Variants in MRM2 observed in about 807,000 individuals in gnomAD.
MRM2 encodes the protein rRNA methyltransferase 2, mitochondrial.
In MRM2, 15 loss-of-function variants were observed where a neutral mutation model predicts 10.9. That is an observed-to-expected ratio of 1.37 (90% confidence interval 0.92 to 2.11). MRM2 has a LOEUF of 2.11. Ranked by LOEUF, MRM2 falls within the 30% of genes most tolerant of loss-of-function variation. The probability of loss-of-function intolerance (pLI) is 0.00; values close to 1 mark genes in which losing one functional copy is unlikely to be tolerated. For missense variants in MRM2, 328 were observed against 321.3 expected (o/e 1.02, Z -0.16); for synonymous variants, 139 against 128.7 (o/e 1.08, Z -0.54).
At chr7:2,241,386 A>C (rs1584629369) in intron 1 of MRM2, 1 of 150,476 alleles carries the variant, frequency 6.6e-6, no homozygotes, top group African/African-American at 2.5e-5. Context: ...TCTCAAGTGA[A>C]CCTCCCACCT....
At chr7:2,238,731 T>C (rs1279759040) in intron 2 of MRM2, 1 of 151,978 alleles carries the variant, frequency 6.6e-6, no homozygotes, top group African/African-American at 2.4e-5. Context: ...GGTCAAGAGT[T>C]CGAGATCAGC....
rs144148146 is a variant in MRM2, at chr7:2,235,375, C to G, written c.488G>C (p.Arg163Pro). 2.5e-6 allele frequency: 4 copies of G among 1,614,072 alleles called. No homozygotes were observed. The Admixed American group carries it at 5.0e-5, about 20-fold the overall frequency. ...SDMAPNATGF[R>P]DLDHDRLISL... Reference sequence around the variant, plus strand: ...GATGAGCCTGTCATGATCGAGGTCCCGGAACCCTGTGGCATTGGGCGCCAT... The same window carrying G: ...GATGAGCCTGTCATGATCGAGGTCCGGGAACCCTGTGGCATTGGGCGCCAT... The change falls in exon 3 of 3, where the codon CGG (arginine) becomes CCG (proline). Residue 163 changes from arginine (R) to proline (P), a missense_variant. By Grantham distance (103) the Arg-to-Pro change is moderately radical. Transcript: ENST00000242257.
chr7:2,239,425 T>C lies in MRM2; in HGVS notation c.291A>G (p.Ala97=), dbSNP rs1794479396. 1.2e-6 allele frequency: 2 copies of C among 1,605,750 alleles called. No individual in the cohort carries two copies. The highest frequency in any genetic ancestry group is 8.5e-7 in the Non-Finnish European group (1 of 1,176,028). ...AGCAGTGCAGAGGCCCACCTGTGCC[T>C]GCGGCGTTGACCTTCTGCACCGCCA... ...SQVAVQKVNA[A]GTDPSSPVGF... Residue 97 remains alanine, a synonymous_variant, in exon 2 of 3, where the codon GCA becomes GCG. Coordinates refer to ENST00000242257, the MANE Select transcript of MRM2 (RefSeq NM_013393.3).
At position 2,239,524 on chromosome 7, in the gene MRM2, G is replaced by C. The variant is rs772720493; in HGVS notation, c.192C>G (p.Asn64Lys). Reference protein sequence around the residue: ...CRSAFKLLEVNERHQILRPGL... With the variant: ...CRSAFKLLEVKERHQILRPGL... ...CGGGCCGCAGAATCTGGTGCCTCTC[G>C]TTCACCTCCAGGAGCTTGAAGGCGC... Residue 64 changes from asparagine (N) to lysine (K), a missense_variant, in exon 2 of 3, where the codon AAC becomes AAG. Transcript: ENST00000242257. 2 of 1,613,958 alleles carry C rather than the reference G, an allele frequency of 1.2e-6. No homozygotes were observed. Among genetic ancestry groups the C allele is most frequent in the Non-Finnish European group, 1.7e-6 (2 of 1,180,000 alleles).
rs527559581 is a variant in MRM2, at chr7:2,239,856, G to A, written c.9-149C>T. 99 of 692,092 alleles carry A rather than the reference G, an allele frequency of 1.4e-4. 3 individuals carry two copies. The South Asian group carries it at 1.6e-3, about 11-fold the overall frequency. 42.9% of individuals were successfully genotyped at this position (692,092 alleles called of 1,614,324 possible). A position where few individuals can be genotyped will look rare whatever the true frequency, so the allele number is the denominator to read the frequency against. ...GTGAACTGATAAGGCTACACAGATGGAAAGCAGGCATCACAGGCCAAACTG... is the reference window on the plus strand; with the variant it reads ...GTGAACTGATAAGGCTACACAGATGAAAAGCAGGCATCACAGGCCAAACTG... On this transcript the variant is annotated intron_variant, in intron 1 of 2. Coordinates refer to ENST00000242257, the MANE Select transcript of MRM2 (RefSeq NM_013393.3).
At position 2,239,504 on chromosome 7, in the gene MRM2, C is replaced by T. The variant is rs768337659; in HGVS notation, c.212G>A (p.Arg71Gln). 8 of 1,613,982 alleles carry T rather than the reference C, an allele frequency of 5.0e-6. No individual in the cohort carries two copies. Among genetic ancestry groups the T allele is most frequent in the South Asian group, 2.2e-5 (2 of 91,092 alleles). ...ACAGTCTAACACCCGAAGGCCGGGC[C>T]GCAGAATCTGGTGCCTCTCGTTCAC... is the stretch of plus-strand genomic sequence containing the variant. ...LEVNERHQIL[R>Q]PGLRVLDCGA... Residue 71 changes from arginine (R) to glutamine (Q), a missense_variant, in exon 2 of 3, where the codon CGG becomes CAG. Transcript: ENST00000242257.
chr7:2,237,317 C>T (rs1794435347), intron 2 of MRM2, among the ~76,000 whole-genome samples: 1 of 152,208 alleles, frequency 6.6e-6, no homozygotes, highest in Admixed American at 6.5e-5. Context: ...ACTTTATGCT[C>T]CTGAGCTTTC....
intron 1 of MRM2, among the ~76,000 whole-genome samples, chr7:2,240,030 G>A (rs932976383): frequency 1.3e-5 from 2 of 152,100 alleles, no homozygotes; most frequent in East Asian, 1.9e-4. Flanking sequence ...CTGGCCAACC[G>A]TGGCCAACAT....
At chr7:2,236,830 A>G (rs946732529) in intron 2 of MRM2, among the ~76,000 whole-genome samples, 1 of 151,696 alleles carries the variant, frequency 6.6e-6, no homozygotes, top group East Asian at 1.9e-4. Flanking sequence ...AGTGGAGGGG[A>G]CTGTTGGGGA....
intron 2 of MRM2, chr7:2,238,398 G>C (rs1309417281): frequency 2.0e-5 from 3 of 152,216 alleles, no homozygotes; most frequent in African/African-American, 7.2e-5. Flanking sequence ...CAGTTGCATG[G>C]GCGGTTGGCT....
intron 2 of MRM2, among the ~76,000 whole-genome samples, chr7:2,236,145 G>T (rs989279994): frequency 2.6e-5 from 4 of 152,144 alleles, no homozygotes; most frequent in Non-Finnish European, 4.4e-5. Context: ...TAGGAGAATC[G>T]CTTGAACCCG....
intron 2 of MRM2, among the ~76,000 whole-genome samples, chr7:2,236,402 A>G (rs531888257): frequency 2.0e-5 from 3 of 152,000 alleles, no homozygotes; most frequent in African/African-American, 7.2e-5. Context: ...ACAAAAACTG[A>G]TATCGGCTAG....
rs543032467 is a variant in MRM2, at chr7:2,240,443, C to G, written c.9-736G>C. 3.3e-5 allele frequency among the ~76,000 whole-genome samples: 5 copies of G among 152,016 alleles called. No individual in the cohort carries two copies. The South Asian group carries it at 1.0e-3, about 32-fold the overall frequency. On this transcript the variant is annotated intron_variant, in intron 1 of 2. Transcript: ENST00000242257. ...CGAGACAGGGTCTCGCTCTATAGCC[C>G]AGGCTGGAGTGCAGTGGTGAGGTCA...
At chr7:2,242,132 C>G in intron 1 of MRM2, 30 bp downstream of exon 1, 1 of 1,583,954 alleles carries the variant, frequency 6.3e-7, no homozygotes, top group South Asian at 1.1e-5. Flanking sequence ...CTCCCGCTGT[C>G]TGCACGCGCA....
intron 1 of MRM2, among the ~76,000 whole-genome samples, chr7:2,240,437 A>G (rs1220822661): frequency 1.3e-5 from 2 of 151,718 alleles, no homozygotes; most frequent in Non-Finnish European, 2.9e-5. Flanking sequence ...GTCTCGCTCT[A>G]TAGCCCAGGC....
In MRM2 at chr7:2,234,446, C is replaced by G. The variant is rs760195957; in HGVS notation, c.*676G>C. The G allele has an allele frequency of 1.3e-5, 2 of 152,404 alleles. No individual in the cohort carries two copies. The highest frequency in any genetic ancestry group is 2.9e-5 in the Non-Finnish European group (2 of 68,226). The allele number at this position is 152,404 out of a possible 1,614,324, so 9.4% of individuals were successfully genotyped here. ...TGCTGCTTGAAGAATGCGTGAATTG[C>G]TATATTGTTCACCAGAAAGACAGAA... On this transcript the variant is annotated 3_prime_UTR_variant, in exon 3 of 3. Coordinates refer to ENST00000242257, the MANE Select transcript of MRM2 (RefSeq NM_013393.3).
intron 2 of MRM2, chr7:2,238,521 CCT>C (rs1198921109): frequency 2.6e-5 from 4 of 152,242 alleles, no homozygotes; most frequent in Non-Finnish European, 5.9e-5. Context: ...AATCCATAGC[CCT>C]GGCCATGAAG....
chr7:2,241,219 C>G (rs923377915), intron 1 of MRM2: 1 of 152,038 alleles, frequency 6.6e-6, no homozygotes, highest in Admixed American at 6.6e-5. Flanking sequence ...CCGAGCTGGT[C>G]TCGAACTCCT....
intron 2 of MRM2, 71 bp from the exon 3 acceptor site, chr7:2,235,635 A>T: frequency 8.6e-6 from 9 of 1,047,656 alleles, no homozygotes; most frequent in Non-Finnish European, 1.3e-5. Context: ...AGTACATGCA[A>T]CAAAGTGATG....
Sources: allele counts gnomAD v4.1 joint callset (sites outside exome capture counted in the v4.1 genomes callset), GRCh38; gene constraint gnomAD v4.1.1; transcripts MANE v1.5; gene names NCBI Gene and HGNC (gene_info 2026-07-23, HGNC 2026-07-21).